GLYR1: variants seen among roughly 807,000 people sequenced by gnomAD.
The protein encoded by GLYR1 is glyoxylate reductase 1 homolog.
A neutral mutation model predicts 72.7 loss-of-function variants in GLYR1; 21 were observed. The ratio of observed to expected loss-of-function variants is 0.29; its 90% CI spans 0.20 to 0.42. GLYR1 has a LOEUF of 0.42. Ranked by LOEUF, GLYR1 falls within the 10% of genes least tolerant of loss-of-function variation. The pLI is 1.00. For synonymous variants in GLYR1, 392 were observed against 270.2 expected, an observed-to-expected ratio of 1.45 and a Z score of -4.42; for missense variants, 594 against 712.1, an observed-to-expected ratio of 0.83 and a Z score of 1.89.
chr16:4,841,551 GGGA>G (rs1567814890), intron 3 of GLYR1, among the ~76,000 whole-genome samples: 1 of 151,186 alleles, frequency 6.6e-6, no homozygotes. Context: ...CTGCTGAGGT[GGGA>G]GGATTACCTG....
intron 15 of GLYR1, among the ~76,000 whole-genome samples, chr16:4,807,908 G>GA (rs1220872523): frequency 6.6e-6 from 1 of 152,214 alleles, no homozygotes; most frequent in Non-Finnish European, 1.5e-5. Context: ...TAAGTACTCT[G>GA]AAATGTTGAA....
intron 5 of GLYR1, among the ~76,000 whole-genome samples, chr16:4,827,125 G>A (rs978467268): frequency 6.6e-6 from 1 of 152,168 alleles, no homozygotes; most frequent in African/African-American, 2.4e-5. Context: ...GCCTGCCTCC[G>A]CCATCAAGGT....
chr16:4,822,964 T>C, intron 6 of GLYR1, 33 bp from the exon 7 acceptor site: 1 of 1,591,022 alleles, frequency 6.3e-7, no homozygotes. Flanking sequence ...TAAAACCAGT[T>C]ATCTGCCACC....
chr16:4,813,146 G>C (rs958922704), intron 12 of GLYR1, among the ~76,000 whole-genome samples: 6 of 151,592 alleles, frequency 4.0e-5, no homozygotes, highest in South Asian at 2.1e-4. Flanking sequence ...TGTATTTTTA[G>C]TAGAGATGGG....
At chr16:4,819,947 G>A (rs2083905991) in intron 9 of GLYR1, among the ~76,000 whole-genome samples, 2 of 152,200 alleles carry the variant, frequency 1.3e-5, no homozygotes, top group African/African-American at 4.8e-5. Flanking sequence ...CATGACAGGC[G>A]AATTCCCTTT....
intron 9 of GLYR1, among the ~76,000 whole-genome samples, chr16:4,820,852 C>G (rs1418617801): frequency 1.3e-5 from 2 of 152,238 alleles, no homozygotes; most frequent in South Asian, 2.1e-4. Context: ...TCGCCCCACC[C>G]ACACCGGGCA....
intron 3 of GLYR1, among the ~76,000 whole-genome samples, chr16:4,842,506 T>C (rs903549003): frequency 1.3e-5 from 2 of 151,942 alleles, no homozygotes; most frequent in East Asian, 1.9e-4. Flanking sequence ...TGTGCCACCA[T>C]GCCTGGCTAT....
At chr16:4,805,564 C>G (rs1052058244) in intron 15 of GLYR1, among the ~76,000 whole-genome samples, 12 of 152,358 alleles carry the variant, frequency 7.9e-5, no homozygotes, top group African/African-American at 2.6e-4. Context: ...GGATATAAAA[C>G]ATTCAGCATT....
chr16:4,827,988 T>C (rs925342542), intron 5 of GLYR1, among the ~76,000 whole-genome samples: 8 of 152,082 alleles, frequency 5.3e-5, no homozygotes, highest in Admixed American at 4.6e-4. Flanking sequence ...GGGGGACATT[T>C]TCCCAACAGC....
chr16:4,826,070 G>A (rs757273759), intron 5 of GLYR1, among the ~76,000 whole-genome samples: 1 of 151,658 alleles, frequency 6.6e-6, no homozygotes, highest in South Asian at 2.1e-4. Context: ...TTTATTTGGA[G>A]GCATAGTCTA....
chr16:4,811,103 A>G (rs2083300302), intron 15 of GLYR1, 67 bp downstream of exon 15: 1 of 144,870 alleles, frequency 6.9e-6, no homozygotes, highest in Non-Finnish European at 1.4e-5. Flanking sequence ...AGACTCCGTT[A>G]AAAAAAAAAA....
chr16:4,815,947 A>T (rs2083612557), intron 10 of GLYR1, among the ~76,000 whole-genome samples: 1 of 151,406 alleles, frequency 6.6e-6, no homozygotes, highest in Admixed American at 6.6e-5. Context: ...GTGCCCGGCT[A>T]ATTTTTCGTA....
At chr16:4,828,171 G>A (rs1032464271) in intron 5 of GLYR1, among the ~76,000 whole-genome samples, 2 of 151,708 alleles carry the variant, frequency 1.3e-5, no homozygotes, top group South Asian at 2.1e-4. Flanking sequence ...CCGGGTTCAC[G>A]CCATTCTCCT....
chr16:4,843,704 C>G, intron 3 of GLYR1: 1 of 1,178,572 alleles, frequency 8.5e-7, no homozygotes, highest in South Asian at 1.3e-5. Flanking sequence ...ATACTTTAAC[C>G]GTCAGAATTA....
Position 4,803,569 on chromosome 16 carries a change from C to A in GLYR1, c.*1667G>T, listed in dbSNP as rs560666211. ...CTAACCGGTTTCATTACCGCATCTTCCCCCGCCCCCACCCCCAGTGTGTTC... is the reference window on the plus strand; with the variant it reads ...CTAACCGGTTTCATTACCGCATCTTACCCCGCCCCCACCCCCAGTGTGTTC... On this transcript the variant is annotated 3_prime_UTR_variant, in exon 16 of 16. Transcript: ENST00000321919. 1 of 152,152 alleles carries A rather than the reference C, an allele frequency of 6.6e-6. No individual in the cohort carries two copies. Among genetic ancestry groups the A allele is most frequent in the Admixed American group, 6.6e-5 (1 of 15,226 alleles). The allele number at this position is 152,152 out of a possible 1,614,324, so 9.4% of individuals were successfully genotyped here. A position where few individuals can be genotyped will look rare whatever the true frequency, so the allele number is the denominator to read the frequency against.
rs765264562 is a variant in GLYR1, at chr16:4,812,056, C to T, written c.1282+30G>A. 9.4e-6 allele frequency: 15 copies of T among 1,602,276 alleles called. No individual in the cohort carries two copies. The South Asian group carries it at 1.6e-4, about 17-fold the overall frequency. ...GAAACAGAGGAGATGTGGCCCCAGG[C>T]TCCAGGCCTGACAGGTGCAGGCGTG... On this transcript the variant is annotated intron_variant, in intron 13 of 15. Transcript: ENST00000321919.
chr16:4,818,458 T>A (rs947218846), intron 9 of GLYR1, among the ~76,000 whole-genome samples: 1 of 152,014 alleles, frequency 6.6e-6, no homozygotes, highest in South Asian at 2.1e-4. Flanking sequence ...GCACACCTAA[T>A]TTTTTGTGGA....
chr16:4,843,479 G>GA, intron 3 of GLYR1: 5 of 1,270,956 alleles, frequency 3.9e-6, no homozygotes, highest in Non-Finnish European at 5.1e-6. Context: ...AATCCATGGA[G>GA]TTCTAAGAAC....
At chr16:4,835,800 C>T (rs757368964) in intron 3 of GLYR1, among the ~76,000 whole-genome samples, 1 of 152,152 alleles carries the variant, frequency 6.6e-6, no homozygotes, top group Non-Finnish European at 1.5e-5. Context: ...CACTGCACTC[C>T]AGCCTGGGCA....
Sources: gnomAD v4.1 joint callset for allele counts (sites outside exome capture counted in the v4.1 genomes callset) on GRCh38, gnomAD v4.1.1 for gene constraint, MANE v1.5 for transcripts, NCBI Gene and HGNC (gene_info 2026-07-23, HGNC 2026-07-21) for gene names.